Variants in PCDHB11 observed in about 807,000 individuals in gnomAD.
The protein encoded by PCDHB11 is protocadherin beta 11.
For missense variants in PCDHB11, 1,151 were observed against 1,003.4 expected (o/e 1.15, Z -1.99); for synonymous variants, 522 against 442.0 (o/e 1.18, Z -2.27).
rs1365302386 is a variant in PCDHB11, at chr5:141,201,439, C to T, written c.1665C>T (p.Asn555=). The T allele has an allele frequency of 3.7e-6, 6 of 1,611,412 alleles. No homozygotes were observed. In the Admixed American group the frequency reaches 1.0e-4, roughly 27 times the overall value. ...ALVRVLVLDA[N]DNSPFVLYPL... is the part of the protein sequence containing the mutation. ...TGCGCGTGCTGGTGCTGGACGCCAA[C>T]GACAACTCGCCCTTCGTGCTGTACC... The change falls in exon 1 of 1, where the codon AAC becomes AAT. Residue 555 remains asparagine (N), a synonymous_variant. Coordinates refer to ENST00000354757, the MANE Select transcript of PCDHB11 (RefSeq NM_018931.3).
At position 141,201,835 on chromosome 5, in the gene PCDHB11, C is replaced by G. The variant is rs782115049; in HGVS notation, c.2061C>G (p.Thr687=). The change falls in exon 1 of 1, where the codon ACC becomes ACG. Residue 687 remains threonine, a synonymous_variant. Coordinates refer to ENST00000354757, the MANE Select transcript of PCDHB11 (RefSeq NM_018931.3). Reference sequence around the variant, plus strand: ...CCCAGGCCCAGGCCGACTCGCTCACCGTCTACTTGGTGGTGGCGTTGGCCT... The same window carrying G: ...CCCAGGCCCAGGCCGACTCGCTCACGGTCTACTTGGTGGTGGCGTTGGCCT... The part of the protein sequence containing the change: ...APAQAQADSL[T]VYLVVALASV... 3.1e-6 allele frequency: 5 copies of G among 1,610,896 alleles called. No homozygotes were observed. The highest frequency in any genetic ancestry group is 3.3e-5 in the Admixed American group (2 of 60,002).
At position 141,202,538 on chromosome 5, in the gene PCDHB11, C is replaced by A. The variant is rs139124949; in HGVS notation, c.*370C>A. Reference sequence around the variant, plus strand: ...GGCCGGGCAGGTTTTAAACTCTTGACCTCATGTTCCACCCGCCACGGCCTC... The same window carrying A: ...GGCCGGGCAGGTTTTAAACTCTTGAACTCATGTTCCACCCGCCACGGCCTC... On this transcript the variant is annotated 3_prime_UTR_variant, in exon 1 of 1. Transcript: ENST00000354757. 1,042 of 162,432 alleles carry A rather than the reference C, an allele frequency of 6.4e-3. 11 individuals carry two copies. The highest frequency in any genetic ancestry group is 0.024 in the African/African-American group (982 of 41,666). 10.1% of individuals were successfully genotyped at this position (162,432 alleles called of 1,614,324 possible).
rs782703218 is a variant in PCDHB11 at position 141,200,951 on chromosome 5, C to A, written c.1177C>A (p.Leu393Ile). The A allele has an allele frequency of 6.2e-7, 1 of 1,614,188 alleles. No homozygotes were observed. Among genetic ancestry groups the A allele is most frequent in the Non-Finnish European group, 8.5e-7 (1 of 1,180,040 alleles). Residue 393 changes from leucine (L) to isoleucine (I), a missense_variant, in exon 1 of 1, where the codon CTA becomes ATA. Coordinates refer to ENST00000354757, the MANE Select transcript of PCDHB11 (RefSeq NM_018931.3). Reference sequence around the variant, plus strand: ...CATTCCGGAAGACCTCCCATTCGTGCTAAAATCTTCAGTTGAGAATTACTA... The same window carrying A: ...CATTCCGGAAGACCTCCCATTCGTGATAAAATCTTCAGTTGAGAATTACTA... ...CSIPEDLPFVLKSSVENYYTL... is the reference protein window; with the variant it reads ...CSIPEDLPFVIKSSVENYYTL...
At position 141,201,678 on chromosome 5, in the gene PCDHB11, C is replaced by T. The variant is rs1554285670; in HGVS notation, c.1904C>T (p.Ala635Val). Residue 635 changes from alanine to valine, a missense_variant, in exon 1 of 1, where the codon GCG becomes GTG. Ala to Val is a moderately conservative substitution (Grantham distance 64). Coordinates refer to ENST00000354757, the MANE Select transcript of PCDHB11 (RefSeq NM_018931.3). ...RTARLLSERD[A>V]AKHRLVVLVK... Reference sequence around the variant, plus strand: ...GCCAGGCTGCTGAGCGAGCGCGACGCGGCCAAGCACAGGCTGGTGGTGCTG... The same window carrying T: ...GCCAGGCTGCTGAGCGAGCGCGACGTGGCCAAGCACAGGCTGGTGGTGCTG... 3.1e-6 allele frequency: 5 copies of T among 1,606,004 alleles called. No homozygotes were observed. The South Asian group carries it at 4.4e-5, about 14-fold the overall frequency.
chr5:141,201,628 G>C lies in PCDHB11; in HGVS notation c.1854G>C (p.Trp618Cys). ...KATEPGLFGVWAHNGEVRTAR... is the reference protein window; with the variant it reads ...KATEPGLFGVCAHNGEVRTAR... ...CGGAGCCCGGGCTATTCGGCGTGTG[G>C]GCGCACAATGGCGAGGTGCGCACCG... Residue 618 changes from tryptophan (W) to cysteine (C), a missense_variant, in exon 1 of 1, where the codon TGG becomes TGC. By Grantham distance (215) the Trp-to-Cys change is radical. Transcript: ENST00000354757. 1 of 1,607,232 alleles carries C rather than the reference G, an allele frequency of 6.2e-7. No individual in the cohort carries two copies. The highest frequency in any genetic ancestry group is 8.5e-7 in the Non-Finnish European group (1 of 1,179,232).
In PCDHB11 at chr5:141,200,348, C is replaced by T. The variant is rs782254053; in HGVS notation, c.574C>T (p.Pro192Ser). 36 of 1,613,918 alleles carry T rather than the reference C, an allele frequency of 2.2e-5. No homozygotes were observed. Among genetic ancestry groups the T allele is most frequent in the Admixed American group, 1.5e-4 (9 of 59,984 alleles). Residue 192 changes from proline to serine, a missense_variant, in exon 1 of 1, where the codon CCC becomes TCC. Coordinates refer to ENST00000354757, the MANE Select transcript of PCDHB11 (RefSeq NM_018931.3). The stretch of plus-strand genomic sequence containing the variant: ...AGTCATTCCAGACAATAGGAAATAC[C>T]CCGAGTTAGTTCTGGACAAGGCGCT... ...MRVIPDNRKY[P>S]ELVLDKALDY...
In PCDHB11 at chr5:141,201,468, T is replaced by G. The variant is rs781786551; in HGVS notation, c.1694T>G (p.Leu565Arg). 2 of 1,610,658 alleles carry G rather than the reference T, an allele frequency of 1.2e-6. No homozygotes were observed. Among genetic ancestry groups the G allele is most frequent in the Non-Finnish European group, 1.7e-6 (2 of 1,179,324 alleles). Reference sequence around the variant, plus strand: ...AACTCGCCCTTCGTGCTGTACCCGCTGCAGAACGGCTCCGCGCCCTGCACC... The same window carrying G: ...AACTCGCCCTTCGTGCTGTACCCGCGGCAGAACGGCTCCGCGCCCTGCACC... ...NDNSPFVLYP[L>R]QNGSAPCTEL... Residue 565 changes from leucine (L) to arginine (R), a missense_variant, in exon 1 of 1, where the codon CTG (leucine) becomes CGG (arginine). Physicochemically the swap from Leu to Arg is moderately radical, Grantham distance 102. Transcript: ENST00000354757.
Position 141,200,257 on chromosome 5 carries a change from T to A in PCDHB11, c.483T>A (p.Asp161Glu). Residue 161 changes from aspartate to glutamate, a missense_variant, in exon 1 of 1, where the codon GAT becomes GAA. Transcript: ENST00000354757. The part of the protein sequence containing the change: ...VFLLESAKDL[D>E]VGINAVKSYT... ...TACTAGAAAGTGCGAAGGATTTAGA[T>A]GTAGGAATCAATGCTGTAAAAAGCT... is the stretch of plus-strand genomic sequence containing the variant. 1 of 1,614,200 alleles carries A rather than the reference T, an allele frequency of 6.2e-7. No homozygotes were observed. The highest frequency in any genetic ancestry group is 8.5e-7 in the Non-Finnish European group (1 of 1,180,036).
Position 141,200,787 on chromosome 5 carries a change from T to C in PCDHB11, c.1013T>C (p.Ile338Thr), listed in dbSNP as rs782792080. 4 of 1,614,192 alleles carry C rather than the reference T, an allele frequency of 2.5e-6. No homozygotes were observed. Among genetic ancestry groups the C allele is most frequent in the Non-Finnish European group, 3.4e-6 (4 of 1,180,030 alleles). ...FGKSTVIIHV[I>T]DVNDNAPEIT... ...AAATCTACAGTCATAATTCACGTGA[T>C]AGATGTAAATGACAATGCTCCTGAA... Residue 338 changes from isoleucine to threonine, a missense_variant, in exon 1 of 1, where the codon ATA becomes ACA. Coordinates refer to ENST00000354757, the MANE Select transcript of PCDHB11 (RefSeq NM_018931.3).
rs1396989455 is a variant in PCDHB11 at position 141,202,969 on chromosome 5, A to G, written c.*801A>G. ...GTAAATCCTTTTTATATTAAGTAAC[A>G]GGTAGTTAATCCATTTCTAATGAAT... On this transcript the variant is annotated 3_prime_UTR_variant, in exon 1 of 1. Coordinates refer to ENST00000354757, the MANE Select transcript of PCDHB11 (RefSeq NM_018931.3). 1.3e-5 allele frequency: 2 copies of G among 152,108 alleles called. No individual in the cohort carries two copies. The highest frequency in any genetic ancestry group is 1.3e-4 in the Admixed American group (2 of 15,276). 9.4% of individuals were successfully genotyped at this position (152,108 alleles called of 1,614,324 possible).
rs1754138358 is a variant in PCDHB11 at position 141,200,292 on chromosome 5, G to A, written c.518G>A (p.Ser173Asn). The part of the protein sequence containing the change: ...GINAVKSYTI[S>N]PNSHFHIKMR... ...AATGCTGTAAAAAGCTACACAATAA[G>A]CCCCAACTCTCATTTTCACATTAAA... Residue 173 changes from serine to asparagine, a missense_variant, in exon 1 of 1, where the codon AGC becomes AAC. Ser to Asn is a conservative substitution (Grantham distance 46, BLOSUM62 1). Coordinates refer to ENST00000354757, the MANE Select transcript of PCDHB11 (RefSeq NM_018931.3). 2 of 1,614,146 alleles carry A rather than the reference G, an allele frequency of 1.2e-6. No homozygotes were observed. The highest frequency in any genetic ancestry group is 1.6e-4 in the Middle Eastern group (1 of 6,062).
Position 141,202,423 on chromosome 5 carries a change from C to G in PCDHB11, c.*255C>G. ...CAAGCAATTCTCCTGCATCAGCCTC[C>G]CGAGTAGCTGGCATTACAGGCGCCC... On this transcript the variant is annotated 3_prime_UTR_variant, in exon 1 of 1. Transcript: ENST00000354757. The G allele has an allele frequency of 3.6e-6, 1 of 279,670 alleles. No individual in the cohort carries two copies. The highest frequency in any genetic ancestry group is 6.6e-6 in the Non-Finnish European group (1 of 152,614). The allele number at this position is 279,670 out of a possible 1,614,324, so 17.3% of individuals were successfully genotyped here.
chr5:141,201,823 C>G lies in PCDHB11; in HGVS notation c.2049C>G (p.Ala683=), dbSNP rs1554285717. Residue 683 remains alanine (A), a synonymous_variant, in exon 1 of 1, where the codon GCC becomes GCG. Transcript: ENST00000354757. ...LPEAAPAQAQ[A]DSLTVYLVVA... is the part of the protein sequence containing the mutation. ...AGGCGGCACCGGCCCAGGCCCAGGC[C>G]GACTCGCTCACCGTCTACTTGGTGG... The G allele has an allele frequency of 1.2e-6, 2 of 1,610,650 alleles. No individual in the cohort carries two copies. Among genetic ancestry groups the G allele is most frequent in the South Asian group, 1.1e-5 (1 of 91,008 alleles).
Position 141,201,191 on chromosome 5 carries a change from G to A in PCDHB11, c.1417G>A (p.Val473Ile), listed in dbSNP as rs1288880507. The A allele has an allele frequency of 3.7e-6, 6 of 1,613,288 alleles. No homozygotes were observed. The African/African-American group carries it at 6.7e-5, about 18-fold the overall frequency. Reference protein sequence around the residue: ...NNSPALHIGSVSATDRDSGTN... With the variant: ...NNSPALHIGSISATDRDSGTN... ...CAGCCCCGCCCTGCACATCGGCAGTGTCAGCGCTACAGACAGAGACTCAGG... is the reference window on the plus strand; with the variant it reads ...CAGCCCCGCCCTGCACATCGGCAGTATCAGCGCTACAGACAGAGACTCAGG... The change falls in exon 1 of 1, where the codon GTC (valine) becomes ATC (isoleucine). Residue 473 changes from valine to isoleucine, a missense_variant. Coordinates refer to ENST00000354757, the MANE Select transcript of PCDHB11 (RefSeq NM_018931.3).
chr5:141,199,950 T>G lies in PCDHB11; in HGVS notation c.176T>G (p.Leu59Arg). 1 of 1,614,140 alleles carries G rather than the reference T, an allele frequency of 6.2e-7. No homozygotes were observed. The highest frequency in any genetic ancestry group is 8.5e-7 in the Non-Finnish European group (1 of 1,180,024). The change falls in exon 1 of 1, where the codon CTG becomes CGG. Residue 59 changes from leucine (L) to arginine (R), a missense_variant. By Grantham distance (102) the Leu-to-Arg change is moderately radical. Transcript: ENST00000354757. ...GACCTGGGGCTGAAGGTGAGAGAACTGTCCTCACGGGGGGCTCGGGTGGTC... is the reference window on the plus strand; with the variant it reads ...GACCTGGGGCTGAAGGTGAGAGAACGGTCCTCACGGGGGGCTCGGGTGGTC... ...AKDLGLKVRE[L>R]SSRGARVVSN...
In PCDHB11 at chr5:141,202,195, A is replaced by G. The variant is rs1369260783; in HGVS notation, c.*27A>G. Reference sequence around the variant, plus strand: ...AAGAATGCTATTTACATTTGCATGTACTTTTTTAGTTTTATGTAACCATAT... The same window carrying G: ...AAGAATGCTATTTACATTTGCATGTGCTTTTTTAGTTTTATGTAACCATAT... On this transcript the variant is annotated 3_prime_UTR_variant, in exon 1 of 1. Coordinates refer to ENST00000354757, the MANE Select transcript of PCDHB11 (RefSeq NM_018931.3). 1 of 1,548,842 alleles carries G rather than the reference A, an allele frequency of 6.5e-7. No homozygotes were observed. Among genetic ancestry groups the G allele is most frequent in the Admixed American group, 1.9e-5 (1 of 51,460 alleles).
In PCDHB11 at chr5:141,199,770, G is replaced by A; in HGVS notation, c.-5G>A. On this transcript the variant is annotated 5_prime_UTR_variant, in exon 1 of 1. Coordinates refer to ENST00000354757, the MANE Select transcript of PCDHB11 (RefSeq NM_018931.3). ...TTTCTTCAAGAAGCCTACAAGAAAGGAACTATGGAGAACCAAGGGACACGC... is the reference window on the plus strand; with the variant it reads ...TTTCTTCAAGAAGCCTACAAGAAAGAAACTATGGAGAACCAAGGGACACGC... 2 of 1,612,556 alleles carry A rather than the reference G, an allele frequency of 1.2e-6. No individual in the cohort carries two copies. Among genetic ancestry groups the A allele is most frequent in the South Asian group, 2.2e-5 (2 of 90,974 alleles).
Position 141,202,137 on chromosome 5 carries a change from C to T in PCDHB11, c.2363C>T (p.Thr788Ile), listed in dbSNP as rs1554285837. The T allele has an allele frequency of 1.9e-6, 3 of 1,608,784 alleles. No homozygotes were observed. The Admixed American group carries it at 5.1e-5, about 27-fold the overall frequency. Residue 788 changes from threonine to isoleucine, a missense_variant, in exon 1 of 1, where the codon ACC (threonine) becomes ATC (isoleucine). Physicochemically the swap from Thr to Ile is moderately conservative, Grantham distance 89 (BLOSUM62 -1). Transcript: ENST00000354757. Reference sequence around the variant, plus strand: ...GGGAAGAATAGTGAAGAAAACTCCACCTTTCGAAATAGCTTTGGATTTAAT... The same window carrying T: ...GGGAAGAATAGTGAAGAAAACTCCATCTTTCGAAATAGCTTTGGATTTAAT... Reference protein sequence around the residue: ...GLGKNSEENSTFRNSFGFNF With the variant: ...GLGKNSEENSIFRNSFGFNF
chr5:141,202,943 T>C lies in PCDHB11; in HGVS notation c.*775T>C, dbSNP rs1554285959. 6.7e-6 allele frequency: 1 copy of C among 149,890 alleles called. No homozygotes were observed. Among genetic ancestry groups the C allele is most frequent in the Non-Finnish European group, 1.5e-5 (1 of 67,262 alleles). The allele number at this position is 149,890 out of a possible 1,614,324, so 9.3% of individuals were successfully genotyped here. The stretch of plus-strand genomic sequence containing the variant: ...TATTGCATATCATTGTGAATAACAT[T>C]GTAAATCCTTTTTATATTAAGTAAC... On this transcript the variant is annotated 3_prime_UTR_variant, in exon 1 of 1. Coordinates refer to ENST00000354757, the MANE Select transcript of PCDHB11 (RefSeq NM_018931.3).
Sources: allele counts gnomAD v4.1 joint callset, GRCh38; gene constraint gnomAD v4.1.1; transcripts MANE v1.5; gene names NCBI Gene and HGNC (gene_info 2026-07-23, HGNC 2026-07-21).